FGF14: variants seen among roughly 807,000 people sequenced by gnomAD.
The protein encoded by FGF14 is fibroblast growth factor 14, also known as fibroblast growth factor homologous factor 4.
A neutral mutation model predicts 25.5 loss-of-function variants in FGF14; 5 were observed. The observed-to-expected ratio is 0.20, with a 90% CI of 0.10 to 0.41. FGF14 has a LOEUF of 0.41. Among genes scored for constraint, FGF14 ranks in the 10% least tolerant of loss-of-function variants. FGF14 has a pLI of 1.00. For missense variants in FGF14, 222 were observed against 320.1 expected (o/e 0.69, Z 2.34); for synonymous variants, 138 against 118.3 (o/e 1.17, Z -1.08).
intron 1 of FGF14, among the ~76,000 whole-genome samples, chr13:102,075,905 G>A (rs2043341657): frequency 6.6e-6 from 1 of 151,928 alleles, no homozygotes; most frequent in Admixed American, 6.6e-5. Context: ...AAAAGTAAAT[G>A]AATAAATTCT....
chr13:102,362,226 C>A (rs1020583596), intron 1 of FGF14, among the ~76,000 whole-genome samples: 2 of 152,156 alleles, frequency 1.3e-5, no homozygotes, highest in South Asian at 4.1e-4. Context: ...CACTAGGTCA[C>A]CCTTTTACAA....
intron 1 of FGF14, among the ~76,000 whole-genome samples, chr13:102,157,444 T>C (rs1183071340): frequency 6.6e-6 from 1 of 152,230 alleles, no homozygotes; most frequent in Non-Finnish European, 1.5e-5. Context: ...CTGGGAAAAC[T>C]GGCTAGCCAT....
At chr13:102,114,756 T>G (rs115859066) in intron 1 of FGF14, among the ~76,000 whole-genome samples, 1 of 152,022 alleles carries the variant, frequency 6.6e-6, no homozygotes, top group African/African-American at 2.4e-5. Context: ...ACAACTCCAC[T>G]CATCTGAGAT....
intron 1 of FGF14, among the ~76,000 whole-genome samples, chr13:102,058,071 T>C (rs1309801840): frequency 6.6e-6 from 1 of 152,182 alleles, no homozygotes; most frequent in Admixed American, 6.5e-5. Context: ...AAGCTTTTAT[T>C]ATTTTCATTA....
At chr13:102,244,960 T>A (rs1037948929) in intron 1 of FGF14, among the ~76,000 whole-genome samples, 7 of 152,136 alleles carry the variant, frequency 4.6e-5, no homozygotes, top group Non-Finnish European at 8.8e-5. Context: ...CAATTTATTC[T>A]TATAACATGA....
chr13:102,352,843 T>C (rs1396083735), intron 1 of FGF14, among the ~76,000 whole-genome samples: 30 of 150,526 alleles, frequency 2.0e-4, no homozygotes, highest in Admixed American at 2.0e-3. Context: ...TGTTAAGATA[T>C]AGTTAGCCAG....
At chr13:101,773,004 A>T (rs968130432) in intron 3 of FGF14, among the ~76,000 whole-genome samples, 1 of 152,122 alleles carries the variant, frequency 6.6e-6, no homozygotes, top group Non-Finnish European at 1.5e-5. Context: ...TCATGAAGCC[A>T]TTGTTTTTGA....
In FGF14 at chr13:102,306,155, T is replaced by G. The variant is rs1259141755; in HGVS notation, c.208+95316A>C. ...TGGCTCTGCCTCTGGCCCCAAGTTTTGCATCCTGGTTTTGGCCAATAGATC... is the reference window on the plus strand; with the variant it reads ...TGGCTCTGCCTCTGGCCCCAAGTTTGGCATCCTGGTTTTGGCCAATAGATC... On this transcript the variant is annotated intron_variant, in intron 1 of 4. Transcript: ENST00000376131. Among the ~76,000 whole-genome samples, 3 of 152,310 alleles carry G rather than the reference T, an allele frequency of 2.0e-5. No individual in the cohort carries two copies. The East Asian group carries it at 5.8e-4, about 29-fold the overall frequency.
At chr13:101,875,335 G>T in intron 1 of FGF14, 39 bp from the exon 2 acceptor site, 2 of 1,323,196 alleles carry the variant, frequency 1.5e-6, no homozygotes, top group Non-Finnish European at 2.2e-6. Context: ...CTCACAATGT[G>T]TCACCATAGT....
chr13:101,912,073 C>A (rs544549539), intron 1 of FGF14, among the ~76,000 whole-genome samples: 86 of 151,266 alleles, frequency 5.7e-4, no homozygotes, highest in Middle Eastern at 3.4e-3. Flanking sequence ...TGTTTCCTTA[C>A]ATAGCACCTT....
chr13:102,199,793 CTTCT>C (rs1202915152), intron 1 of FGF14, among the ~76,000 whole-genome samples: 1 of 152,172 alleles, frequency 6.6e-6, no homozygotes, highest in Non-Finnish European at 1.5e-5. Context: ...TCACAATTTT[CTTCT>C]TTCTCAGTGT....
At chr13:102,082,943 G>C (rs964247158) in intron 1 of FGF14, among the ~76,000 whole-genome samples, 1 of 150,438 alleles carries the variant, frequency 6.6e-6, no homozygotes, top group African/African-American at 2.5e-5. Context: ...GGGAGACAGA[G>C]TGAGACTCCG....
At chr13:101,732,099 T>C (rs924619956) in intron 3 of FGF14, among the ~76,000 whole-genome samples, 1 of 152,142 alleles carries the variant, frequency 6.6e-6, no homozygotes, top group East Asian at 1.9e-4. Context: ...TTTTCACATA[T>C]GCAAACATAT....
intron 1 of FGF14, among the ~76,000 whole-genome samples, chr13:102,050,521 T>C (rs2042171976): frequency 6.6e-6 from 1 of 152,160 alleles, no homozygotes; most frequent in Non-Finnish European, 1.5e-5. Flanking sequence ...AGGAATAAGC[T>C]GATGTTCTGT....
chr13:102,267,754 G>C (rs757728150), intron 1 of FGF14, among the ~76,000 whole-genome samples: 4 of 152,010 alleles, frequency 2.6e-5, no homozygotes, highest in Non-Finnish European at 5.9e-5. Flanking sequence ...ATAATCCTTG[G>C]TATTTTACAA....
At chr13:102,031,158 T>C (rs2041188371) in intron 1 of FGF14, among the ~76,000 whole-genome samples, 1 of 152,122 alleles carries the variant, frequency 6.6e-6, no homozygotes, top group African/African-American at 2.4e-5. Flanking sequence ...CCAGAAAGAA[T>C]ATATGCACCG....
At chr13:102,359,202 T>C (rs1245577770) in intron 1 of FGF14, among the ~76,000 whole-genome samples, 1 of 151,998 alleles carries the variant, frequency 6.6e-6, no homozygotes, top group African/African-American at 2.4e-5. Context: ...TCAAGATAAA[T>C]AGCTAATGCA....
At chr13:102,315,887 T>TA (rs1351335811) in intron 1 of FGF14, among the ~76,000 whole-genome samples, 2 of 152,124 alleles carry the variant, frequency 1.3e-5, no homozygotes, top group African/African-American at 2.4e-5. Context: ...CCAAGATATT[T>TA]TAAAAAAAAC....
intron 1 of FGF14, among the ~76,000 whole-genome samples, chr13:101,924,811 T>G (rs887051031): frequency 7.2e-5 from 11 of 152,176 alleles, no homozygotes. Flanking sequence ...GCACATGCCT[T>G]TTCTATCACA....
Sources: gnomAD v4.1 joint callset for allele counts (sites outside exome capture counted in the v4.1 genomes callset) on GRCh38, gnomAD v4.1.1 for gene constraint, MANE v1.5 for transcripts, NCBI Gene and HGNC (gene_info 2026-07-23, HGNC 2026-07-21) for gene names.